Variants in PDCL observed in about 807,000 individuals in gnomAD.
The protein encoded by PDCL is phosducin-like protein.
Under a neutral mutation model 26.7 loss-of-function variants are expected in PDCL, and 11 were observed. That is an observed-to-expected ratio of 0.41 (90% CI 0.26 to 0.68). The LOEUF (loss-of-function observed/expected upper bound fraction) is 0.68, where lower values mean the gene tolerates loss of function less well. PDCL is among the 30% of genes least tolerant of loss of function. PDCL has a pLI of 0.30. For missense variants in PDCL, 330 were observed against 371.6 expected, an observed-to-expected ratio of 0.89 and a Z score of 0.92; for synonymous variants, 118 against 134.9, an observed-to-expected ratio of 0.87 and a Z score of 0.87.
chr9:122,828,091 G>A (rs1380725357), intron 1 of PDCL, among the ~76,000 whole-genome samples: 2 of 152,152 alleles, frequency 1.3e-5, no homozygotes, highest in Non-Finnish European at 2.9e-5. Context: ...AGGTGGAGGT[G>A]CCAAGAAGGA....
Position 122,820,430 on chromosome 9 carries a change from A to C in PDCL, c.561T>G (p.Ile187Met). The change falls in exon 4 of 4, where the codon ATT becomes ATG. Residue 187 changes from isoleucine to methionine, a missense_variant. Physicochemically the swap from Ile to Met is conservative, Grantham distance 10. Coordinates refer to ENST00000259467, the MANE Select transcript of PDCL (RefSeq NM_005388.5). ...CGGTCCCTGGAATGCCATCCTCATAAATATGAACCATGATGACAATGCTTT... is the reference window on the plus strand; with the variant it reads ...CGGTCCCTGGAATGCCATCCTCATACATATGAACCATGATGACAATGCTTT... The part of the protein sequence containing the change: ...EQKSIVIMVH[I>M]YEDGIPGTEA... The C allele has an allele frequency of 6.2e-7, 1 of 1,614,090 alleles. No individual in the cohort carries two copies. Among genetic ancestry groups the C allele is most frequent in the Non-Finnish European group, 8.5e-7 (1 of 1,179,990 alleles).
At chr9:122,822,870 G>C (rs1190605655) in intron 3 of PDCL, 146 bp downstream of exon 3, 1 of 701,238 alleles carries the variant, frequency 1.4e-6, no homozygotes, top group Non-Finnish European at 2.5e-6. Flanking sequence ...AGCTGGGTGG[G>C]TTTGAGTTTT....
Position 122,818,288 on chromosome 9 carries a change from A to G in PDCL, c.*1797T>C, listed in dbSNP as rs1476065778. The G allele has an allele frequency of 6.6e-6, 1 of 152,184 alleles. No homozygotes were observed. The highest frequency in any genetic ancestry group is 2.4e-5 in the African/African-American group (1 of 41,444). 9.4% of individuals were successfully genotyped at this position (152,184 alleles called of 1,614,324 possible). A position where few individuals can be genotyped will look rare whatever the true frequency, so the allele number is the denominator to read the frequency against. On this transcript the variant is annotated 3_prime_UTR_variant, in exon 4 of 4. Transcript: ENST00000259467. Reference sequence around the variant, plus strand: ...ATCTCAAAGAAAACAAACAAAATAAATAAATAAAAATAAAGAGACTGGTTA... The same window carrying G: ...ATCTCAAAGAAAACAAACAAAATAAGTAAATAAAAATAAAGAGACTGGTTA...
intron 2 of PDCL, among the ~76,000 whole-genome samples, chr9:122,823,599 T>A (rs1476996995): frequency 6.6e-6 from 1 of 152,186 alleles, no homozygotes; most frequent in East Asian, 1.9e-4. Flanking sequence ...ATATACATAA[T>A]TTATGTACAT....
At chr9:122,822,856 C>G (rs960684341) in intron 3 of PDCL, among the ~76,000 whole-genome samples, 160 bp downstream of exon 3, 1 of 152,168 alleles carries the variant, frequency 6.6e-6, no homozygotes, top group African/African-American at 2.4e-5. Context: ...GAACTGAGAT[C>G]CAAAGCTGGG....
intron 3 of PDCL, among the ~76,000 whole-genome samples, chr9:122,822,292 C>T (rs1056692485): frequency 1.3e-5 from 2 of 151,804 alleles, no homozygotes; most frequent in Admixed American, 6.6e-5. Context: ...CCACGGCTCA[C>T]GCCTGTAATC....
intron 3 of PDCL, among the ~76,000 whole-genome samples, chr9:122,821,536 C>T (rs1281202186): frequency 6.6e-6 from 1 of 152,034 alleles, no homozygotes; most frequent in Admixed American, 6.6e-5. Context: ...AACCTGCTTT[C>T]GAGACTTAGC....
intron 3 of PDCL, 38 bp downstream of exon 3, chr9:122,822,978 C>T: frequency 6.4e-7 from 1 of 1,573,170 alleles, no homozygotes; most frequent in Non-Finnish European, 8.7e-7. Flanking sequence ...CTAGCAGCCA[C>T]AGCAGACTCT....
At chr9:122,827,731 C>CAA (rs575500185) in intron 1 of PDCL, among the ~76,000 whole-genome samples, 1 of 150,344 alleles carries the variant, frequency 6.7e-6, no homozygotes, top group African/African-American at 2.5e-5. Flanking sequence ...GACTCTGTTT[C>CAA]AAAAAAAAAT....
intron 2 of PDCL, among the ~76,000 whole-genome samples, chr9:122,824,826 A>T (rs1014296335): frequency 6.6e-6 from 1 of 152,244 alleles, no homozygotes; most frequent in Non-Finnish European, 1.5e-5. Context: ...GCAAAAGTTA[A>T]TTGAAGAGGG....
rs1353971645 is a variant in PDCL at position 122,820,511 on chromosome 9, C to T, written c.480G>A (p.Gln160=). ...CTTCTCCACTGGAGATCTCAAAAACCTGCTTGAATTGGGGCCCCTTGTGAA... is the reference window on the plus strand; with the variant it reads ...CTTCTCCACTGGAGATCTCAAAAACTTGCTTGAATTGGGGCCCCTTGTGAA... ...QQLHKGPQFK[Q]VFEISSGEGF... Residue 160 remains glutamine (Q), a synonymous_variant, in exon 4 of 4, where the codon CAG becomes CAA. Transcript: ENST00000259467. 5 of 1,613,948 alleles carry T rather than the reference C, an allele frequency of 3.1e-6. No individual in the cohort carries two copies. Among genetic ancestry groups the T allele is most frequent in the Non-Finnish European group, 4.2e-6 (5 of 1,180,036 alleles).
intron 2 of PDCL, among the ~76,000 whole-genome samples, chr9:122,824,114 AC>A (rs1405111630): frequency 6.6e-6 from 1 of 152,170 alleles, no homozygotes. Context: ...AGATTGTAAT[AC>A]AACCTGTTCT....
intron 2 of PDCL, 45 bp downstream of exon 2, chr9:122,826,571 G>A (rs1384135347): frequency 6.6e-7 from 1 of 1,511,032 alleles, no homozygotes. Flanking sequence ...TGTATTTAAT[G>A]TACATTTTTT....
chr9:122,826,656 T>G lies in PDCL; in HGVS notation c.132A>C (p.Ala44=). ...RCAPASSSVP[A]EAELAGEGIS... is the part of the protein sequence containing the mutation. ...TGCCTTCGCCTGCCAGCTCAGCCTC[T>G]GCAGGCACAGAACTGCTGGCTGGGG... Residue 44 remains alanine (A), a synonymous_variant, in exon 2 of 4, where the codon GCA becomes GCC. Coordinates refer to ENST00000259467, the MANE Select transcript of PDCL (RefSeq NM_005388.5). 6.2e-7 allele frequency: 1 copy of G among 1,614,230 alleles called. No homozygotes were observed. Among genetic ancestry groups the G allele is most frequent in the Non-Finnish European group, 8.5e-7 (1 of 1,180,038 alleles).
Position 122,820,168 on chromosome 9 carries a change from G to A in PDCL, c.823C>T (p.Pro275Ser). The A allele has an allele frequency of 2.5e-6, 4 of 1,614,124 alleles. No homozygotes were observed. Among genetic ancestry groups the A allele is most frequent in the Non-Finnish European group, 2.5e-6 (3 of 1,180,026 alleles). Residue 275 changes from proline to serine, a missense_variant, in exon 4 of 4, where the codon CCA becomes TCA. Coordinates refer to ENST00000259467, the MANE Select transcript of PDCL (RefSeq NM_005388.5). ...GTCAGCACCAAGACTTCCTTTTCTG[G>A]GAGTAATCCAAATTCCTGGAGAAAA... ...EAFLQEFGLL[P>S]EKEVLVLTSV... is the part of the protein sequence containing the mutation.
In PDCL at chr9:122,826,752, T is replaced by C. The variant is rs756505681; in HGVS notation, c.36A>G (p.Lys12=). 2.1e-5 allele frequency: 34 copies of C among 1,613,904 alleles called. No individual in the cohort carries two copies. Among genetic ancestry groups the C allele is most frequent in the Non-Finnish European group, 2.9e-5 (34 of 1,179,988 alleles). The change falls in exon 2 of 4, where the codon AAA becomes AAG. Residue 12 remains lysine, a synonymous_variant. Coordinates refer to ENST00000259467, the MANE Select transcript of PDCL (RefSeq NM_005388.5). The part of the protein sequence containing the change: ...TTLDDKLLGE[K]LQYYYSSSED... Reference sequence around the variant, plus strand: ...CACTGCTGCTATAGTAGTACTGCAGTTTCTCCCCCAGCAACTTATCATCAA... The same window carrying C: ...CACTGCTGCTATAGTAGTACTGCAGCTTCTCCCCCAGCAACTTATCATCAA...
At chr9:122,824,870 CA>C (rs1222391424) in intron 2 of PDCL, among the ~76,000 whole-genome samples, 2 of 152,046 alleles carry the variant, frequency 1.3e-5, no homozygotes, top group African/African-American at 4.8e-5. Flanking sequence ...TATAACACTA[CA>C]ATAATTAAAA....
At chr9:122,820,732 C>T (rs1829542765) in intron 3 of PDCL, 96 bp from the exon 4 acceptor site, 9 of 1,014,132 alleles carry the variant, frequency 8.9e-6, no homozygotes, top group Non-Finnish European at 1.3e-5. Context: ...GCCTGTAATC[C>T]TAGCACTTTG....
chr9:122,825,390 G>A (rs967045891), intron 2 of PDCL, among the ~76,000 whole-genome samples: 1 of 152,128 alleles, frequency 6.6e-6, no homozygotes, highest in Non-Finnish European at 1.5e-5. Context: ...TCGAACTCCT[G>A]AGCTCAGGCA....
Sources: gnomAD v4.1 joint callset for allele counts (sites outside exome capture counted in the v4.1 genomes callset) on GRCh38, gnomAD v4.1.1 for gene constraint, MANE v1.5 for transcripts, NCBI Gene and HGNC (gene_info 2026-07-23, HGNC 2026-07-21) for gene names.